DNAH11: variants seen among roughly 807,000 people sequenced by gnomAD.
DNAH11 encodes the protein dynein axonemal heavy chain 11, also known as axonemal beta dynein heavy chain 11.
DNAH11 carries 442 observed loss-of-function variants against 526.0 expected under a neutral mutation model. The ratio of observed to expected loss-of-function variants is 0.84; its 90% CI spans 0.78 to 0.91. The LOEUF is 0.91. DNAH11 is among the 40% of genes least tolerant of loss of function. The pLI, the probability that DNAH11 is intolerant of heterozygous loss-of-function variation, is 0.00. For missense variants in DNAH11, 6,989 were observed against 5,448.7 expected, an observed-to-expected ratio of 1.28 and a Z score of -8.90; for synonymous variants, 2,461 against 1,935.9, an observed-to-expected ratio of 1.27 and a Z score of -7.12.
In DNAH11 at chr7:21,617,807, T is replaced by A. The variant is rs570200615; in HGVS notation, c.4254+30T>A. The A allele has an allele frequency of 7.8e-6, 12 of 1,534,712 alleles. No homozygotes were observed. The African/African-American group carries it at 1.2e-4, about 16-fold the overall frequency. ...GTATCCTTGGTCTCACTAATGAACCTTTTTATGACTGTGAAGTGTTACTTC... is the reference window on the plus strand; with the variant it reads ...GTATCCTTGGTCTCACTAATGAACCATTTTATGACTGTGAAGTGTTACTTC... On this transcript the variant is annotated intron_variant, in intron 23 of 81. Coordinates refer to ENST00000409508, the MANE Select transcript of DNAH11 (RefSeq NM_001277115.2).
At chr7:21,847,330 A>G (rs2128020038) in intron 66 of DNAH11, among the ~76,000 whole-genome samples, 1 of 152,296 alleles carries the variant, frequency 6.6e-6, no homozygotes, top group East Asian at 1.9e-4. Flanking sequence ...AATGCTATAA[A>G]TTTCCCTTTA....
In DNAH11 at chr7:21,683,871, G is replaced by T; in HGVS notation, c.5548G>T (p.Asp1850Tyr). The change falls in exon 32 of 82, where the codon GAT (aspartate) becomes TAT (tyrosine). Residue 1850 changes from aspartate (D) to tyrosine (Y), a missense_variant. Physicochemically the swap from Asp to Tyr is radical, Grantham distance 160. Coordinates refer to ENST00000409508, the MANE Select transcript of DNAH11 (RefSeq NM_001277115.2). ...GAAACACTGCTTTGTTAATATTTGT[G>T]ATGCCCAGTTCCAGTACTTCTATGA... is the stretch of plus-strand genomic sequence containing the variant. Reference protein sequence around the residue: ...TQKHCFVNICDAQFQYFYEYL... With the variant: ...TQKHCFVNICYAQFQYFYEYL... The T allele has an allele frequency of 1.2e-6, 2 of 1,613,660 alleles. No homozygotes were observed. The highest frequency in any genetic ancestry group is 1.7e-6 in the Non-Finnish European group (2 of 1,179,704).
chr7:21,567,305 C>T (rs753260114), intron 6 of DNAH11, among the ~76,000 whole-genome samples: 1 of 152,118 alleles, frequency 6.6e-6, no homozygotes, highest in Non-Finnish European at 1.5e-5. Context: ...TGTATTTCCT[C>T]TTGTCACCTA....
intron 32 of DNAH11, among the ~76,000 whole-genome samples, chr7:21,686,773 T>C (rs1783393764): frequency 6.6e-6 from 1 of 152,212 alleles, no homozygotes; most frequent in Non-Finnish European, 1.5e-5. Context: ...GTCTGCCATA[T>C]TAATATCTTT....
chr7:21,722,739 C>T (rs1245067708), intron 44 of DNAH11, among the ~76,000 whole-genome samples: 1 of 152,168 alleles, frequency 6.6e-6, no homozygotes, highest in African/African-American at 2.4e-5. Flanking sequence ...TTCTCAGAGG[C>T]ACGGTTTACA....
chr7:21,760,851 A>G (rs890922240), intron 54 of DNAH11, among the ~76,000 whole-genome samples: 5 of 100,528 alleles, frequency 5.0e-5, no homozygotes, highest in Admixed American at 3.7e-4. Context: ...ATATTAACCA[A>G]CAGCCCCTAA....
intron 6 of DNAH11, among the ~76,000 whole-genome samples, chr7:21,569,762 C>T (rs1162262881): frequency 6.6e-6 from 1 of 152,128 alleles, no homozygotes; most frequent in East Asian, 1.9e-4. Context: ...AGAATATTTG[C>T]TGGCAGGCAC....
At chr7:21,885,247 TC>T (rs1784087372) in intron 76 of DNAH11, among the ~76,000 whole-genome samples, 1 of 147,122 alleles carries the variant, frequency 6.8e-6, no homozygotes, top group African/African-American at 2.5e-5. Context: ...AATATAGAAT[TC>T]CCGTTAATAT....
chr7:21,830,437 G>T (rs878882664), intron 65 of DNAH11, among the ~76,000 whole-genome samples: 6 of 152,282 alleles, frequency 3.9e-5, no homozygotes, highest in Middle Eastern at 6.8e-3. Context: ...TGTGTCTGTT[G>T]TTTTTCTCTA....
chr7:21,660,763 GTAAT>G (rs1782209830), intron 30 of DNAH11, among the ~76,000 whole-genome samples: 1 of 151,760 alleles, frequency 6.6e-6, no homozygotes, highest in Non-Finnish European at 1.5e-5. Context: ...ATATATAAGT[GTAAT>G]TATTTATGTA....
intron 41 of DNAH11, 48 bp downstream of exon 41, chr7:21,710,751 A>G: frequency 6.5e-7 from 1 of 1,540,050 alleles, no homozygotes; most frequent in Non-Finnish European, 8.7e-7. Flanking sequence ...TCCTGAGTGT[A>G]TTAAGAGTTC....
At chr7:21,838,435 G>T (rs1782078037) in intron 65 of DNAH11, among the ~76,000 whole-genome samples, 2 of 152,180 alleles carry the variant, frequency 1.3e-5, no homozygotes, top group South Asian at 2.1e-4. Context: ...GTAATTCAGT[G>T]GTTTTTAGTA....
At chr7:21,900,883 C>CACTG (rs746983553) in intron 81 of DNAH11, 124 bp from the exon 82 acceptor site, 17 of 1,451,014 alleles carry the variant, frequency 1.2e-5, no homozygotes, top group African/African-American at 4.3e-5. Context: ...GTAAAAATAC[C>CACTG]ACTGACAAGC....
intron 46 of DNAH11, among the ~76,000 whole-genome samples, chr7:21,738,170 C>T (rs1280233850): frequency 6.6e-6 from 1 of 152,114 alleles, no homozygotes; most frequent in East Asian, 1.9e-4. Flanking sequence ...CATATAGACA[C>T]AGGAAGAAAT....
In DNAH11 at chr7:21,748,021, G is replaced by A. The variant is rs189820842; in HGVS notation, c.8511-559G>A. 8.7e-4 allele frequency among the ~76,000 whole-genome samples: 132 copies of A among 152,326 alleles called. 1 individual carries two copies. In the East Asian group the frequency reaches 0.02, roughly 23 times the overall value. On this transcript the variant is annotated intron_variant, in intron 51 of 81. Coordinates refer to ENST00000409508, the MANE Select transcript of DNAH11 (RefSeq NM_001277115.2). ...TTTGGTGGTGACAACAAAGCTCTAAGAGAATCCAAAGTGTTATTAGCAGAG... is the reference window on the plus strand; with the variant it reads ...TTTGGTGGTGACAACAAAGCTCTAAAAGAATCCAAAGTGTTATTAGCAGAG...
At chr7:21,814,345 A>AT (rs200898723) in intron 63 of DNAH11, among the ~76,000 whole-genome samples, 1,132 of 100,660 alleles carry the variant, frequency 0.011, 3 homozygotes, top group Non-Finnish European at 0.016. Flanking sequence ...TTATTTATTT[A>AT]TTTATTTTTT....
intron 45 of DNAH11, among the ~76,000 whole-genome samples, chr7:21,732,170 G>A (rs1352605436): frequency 6.6e-6 from 1 of 152,126 alleles, no homozygotes; most frequent in African/African-American, 2.4e-5. Flanking sequence ...TTTTTTCACA[G>A]CTCTGGAGGC....
At chr7:21,709,572 AAAAT>A (rs1244440283) in intron 40 of DNAH11, among the ~76,000 whole-genome samples, 1 of 152,220 alleles carries the variant, frequency 6.6e-6, no homozygotes, top group Non-Finnish European at 1.5e-5. Flanking sequence ...ATCTGAACCT[AAAAT>A]AAAAGTTGAA....
At chr7:21,672,578 A>C (rs1392478016) in intron 30 of DNAH11, among the ~76,000 whole-genome samples, 1 of 152,180 alleles carries the variant, frequency 6.6e-6, no homozygotes, top group East Asian at 1.9e-4. Flanking sequence ...TGAGCCACCA[A>C]ATCTGACCTC....
Sources: allele counts gnomAD v4.1 joint callset (sites outside exome capture counted in the v4.1 genomes callset), GRCh38; gene constraint gnomAD v4.1.1; transcripts MANE v1.5; gene names NCBI Gene and HGNC (gene_info 2026-07-23, HGNC 2026-07-21).